HECW1: variants seen among roughly 807,000 people sequenced by gnomAD.
HECW1 encodes the protein E3 ubiquitin-protein ligase HECW1.
Under a neutral mutation model 182.3 loss-of-function variants are expected in HECW1, and 61 were observed. The observed-to-expected ratio is 0.33, with a 90% confidence interval of 0.27 to 0.41. The LOEUF (loss-of-function observed/expected upper bound fraction) is 0.41. Among genes scored for constraint, HECW1 ranks in the 10% least tolerant of loss-of-function variants. The pLI, the probability that HECW1 is intolerant of heterozygous loss-of-function variation, is 1.00. For synonymous variants in HECW1, 859 were observed against 832.6 expected (o/e 1.03, Z -0.55); for missense variants, 1,739 against 2,108.9 (o/e 0.82, Z 3.44).
chr7:43,391,755 A>C lies in HECW1; in HGVS notation c.556-5059A>C, dbSNP rs79191855. 2.4e-4 allele frequency among the ~76,000 whole-genome samples: 37 copies of C among 152,340 alleles called. No homozygotes were observed. In the East Asian group the frequency reaches 7.1e-3, roughly 29 times the overall value. On this transcript the variant is annotated intron_variant, in intron 6 of 29. Coordinates refer to ENST00000395891, the MANE Select transcript of HECW1 (RefSeq NM_015052.5). The stretch of plus-strand genomic sequence containing the variant: ...ATGACAGTCATATAATGAGGGTCTA[A>C]TGAGGGAAATGCACTCAGCAGTGCT...
intron 24 of HECW1, among the ~76,000 whole-genome samples, chr7:43,528,027 C>A (rs1242409387): frequency 6.6e-6 from 1 of 152,064 alleles, no homozygotes; most frequent in African/African-American, 2.4e-5. Context: ...AATAGCTAAA[C>A]TGAGAGCTAA....
intron 24 of HECW1, among the ~76,000 whole-genome samples, chr7:43,532,171 T>C (rs1400894739): frequency 6.6e-6 from 1 of 152,192 alleles, no homozygotes; most frequent in Non-Finnish European, 1.5e-5. Context: ...CCGTGGACTG[T>C]TCCTGGTGCC....
At chr7:43,320,310 A>G (rs1171798091) in intron 4 of HECW1, among the ~76,000 whole-genome samples, 2 of 152,206 alleles carry the variant, frequency 1.3e-5, no homozygotes, top group African/African-American at 2.4e-5. Flanking sequence ...TTTCACACTG[A>G]GCTTTCACAC....
In HECW1 at chr7:43,231,891, G is replaced by A. The variant is rs544296594; in HGVS notation, c.-31-11984G>A. On this transcript the variant is annotated intron_variant, in intron 2 of 29. Transcript: ENST00000395891. ...AAAAAAATTAGCCAGGCGTGGTGGC[G>A]GGCGCCTGTAGTCCCAGCTACTTGG... Among the ~76,000 whole-genome samples, 8 of 151,894 alleles carry A rather than the reference G, an allele frequency of 5.3e-5. No individual in the cohort carries two copies. In the East Asian group the frequency reaches 5.8e-4, roughly 11 times the overall value.
At position 43,264,187 on chromosome 7, in the gene HECW1, A is replaced by T. The variant is rs59173315; in HGVS notation, c.27+20255A>T. Among the ~76,000 whole-genome samples the T allele has an allele frequency of 8.4e-3, 1,286 of 152,244 alleles. 16 individuals carry two copies. The highest frequency in any genetic ancestry group is 0.029 in the African/African-American group (1,208 of 41,536). ...CCATACTTCGCAATAGATCTCTAAA[A>T]CTTATTCTAACTGACGGAAACATTA... On this transcript the variant is annotated intron_variant, in intron 3 of 29. Coordinates refer to ENST00000395891, the MANE Select transcript of HECW1 (RefSeq NM_015052.5).
intron 2 of HECW1, among the ~76,000 whole-genome samples, chr7:43,184,918 C>T (rs564333864): frequency 6.6e-6 from 1 of 152,142 alleles, no homozygotes; most frequent in African/African-American, 2.4e-5. Context: ...AGGTGCCACA[C>T]ACCCTTAAAC....
intron 2 of HECW1, among the ~76,000 whole-genome samples, chr7:43,124,342 A>G (rs190715624): frequency 1.3e-5 from 2 of 152,188 alleles, no homozygotes; most frequent in Non-Finnish European, 2.9e-5. Context: ...CTGTTTTTTC[A>G]AAGTGCTATT....
chr7:43,271,524 A>G (rs925881386), intron 3 of HECW1, among the ~76,000 whole-genome samples: 9 of 152,232 alleles, frequency 5.9e-5, no homozygotes, highest in Admixed American at 3.9e-4. Flanking sequence ...AGGGTACAAA[A>G]TCAATGGACA....
intron 6 of HECW1, among the ~76,000 whole-genome samples, chr7:43,365,914 C>A (rs1181593338): frequency 6.6e-6 from 1 of 152,024 alleles, no homozygotes; most frequent in Non-Finnish European, 1.5e-5. Flanking sequence ...GCCAACATGG[C>A]AAAACCCCAT....
chr7:43,508,118 G>C lies in HECW1; in HGVS notation c.3853G>C (p.Val1285Leu). 1 of 1,613,320 alleles carries C rather than the reference G, an allele frequency of 6.2e-7. No individual in the cohort carries two copies. Among genetic ancestry groups the C allele is most frequent in the Non-Finnish European group, 8.5e-7 (1 of 1,179,314 alleles). The change falls in exon 23 of 30, where the codon GTT (valine) becomes CTT (leucine). Residue 1285 changes from valine (V) to leucine (L), a missense_variant. Val to Leu is a conservative substitution (Grantham distance 32). Transcript: ENST00000395891. ...LQRNKLYVTF[V>L]GEEGLDYSGP... ...GCGAAACAAGCTCTACGTCACCTTTGTTGGAGAGGAGGGGTGAGGCACCAG... is the reference window on the plus strand; with the variant it reads ...GCGAAACAAGCTCTACGTCACCTTTCTTGGAGAGGAGGGGTGAGGCACCAG...
intron 2 of HECW1, among the ~76,000 whole-genome samples, chr7:43,226,875 C>T (rs1045428703): frequency 3.3e-5 from 5 of 152,196 alleles, no homozygotes; most frequent in Non-Finnish European, 5.9e-5. Context: ...GGATGGCCTG[C>T]GTGTGGGGGC....
intron 2 of HECW1, among the ~76,000 whole-genome samples, chr7:43,143,647 G>T (rs750324089): frequency 2.0e-5 from 3 of 152,118 alleles, no homozygotes; most frequent in Admixed American, 2.0e-4. Flanking sequence ...ATAATTGTAG[G>T]AGTCTAGCCC....
chr7:43,367,019 T>C (rs1816737248), intron 6 of HECW1, among the ~76,000 whole-genome samples: 1 of 152,216 alleles, frequency 6.6e-6, no homozygotes, highest in African/African-American at 2.4e-5. Flanking sequence ...AAAGAGGGAC[T>C]TGGGGAAATT....
At chr7:43,518,297 C>A (rs1289414169) in intron 24 of HECW1, among the ~76,000 whole-genome samples, 1 of 152,014 alleles carries the variant, frequency 6.6e-6, no homozygotes, top group East Asian at 1.9e-4. Context: ...GAGTTTGAGA[C>A]CATCCTGGCC....
intron 1 of HECW1, among the ~76,000 whole-genome samples, chr7:43,113,414 G>T (rs1464907808): frequency 6.6e-6 from 1 of 152,122 alleles, no homozygotes. Flanking sequence ...CCCGTGGTTA[G>T]CCCAGAGAGC....
At chr7:43,290,322 A>G (rs1805241097) in intron 3 of HECW1, among the ~76,000 whole-genome samples, 1 of 152,242 alleles carries the variant, frequency 6.6e-6, no homozygotes, top group Non-Finnish European at 1.5e-5. Flanking sequence ...AGTAAGCCAC[A>G]TGACACCAAG....
chr7:43,475,726 T>G (rs2078197140), intron 16 of HECW1, among the ~76,000 whole-genome samples: 1 of 152,090 alleles, frequency 6.6e-6, no homozygotes, highest in Admixed American at 6.5e-5. Context: ...TTTTTTGGTA[T>G]ATTTTTGTAT....
At chr7:43,164,974 C>T (rs190965740) in intron 2 of HECW1, among the ~76,000 whole-genome samples, 88 of 152,276 alleles carry the variant, frequency 5.8e-4, no homozygotes, top group Middle Eastern at 3.4e-3. Context: ...CTAAAGGTTC[C>T]TCTCTCTCTG....
intron 2 of HECW1, among the ~76,000 whole-genome samples, chr7:43,223,635 T>A (rs1584047908): frequency 6.6e-6 from 1 of 151,828 alleles, no homozygotes; most frequent in Non-Finnish European, 1.5e-5. Flanking sequence ...AAAAAAAATA[T>A]GCCAAGTTGT....
Sources: allele counts gnomAD v4.1 joint callset (sites outside exome capture counted in the v4.1 genomes callset), GRCh38; gene constraint gnomAD v4.1.1; transcripts MANE v1.5; gene names NCBI Gene and HGNC (gene_info 2026-07-23, HGNC 2026-07-21).